Variants in PBX3 observed in about 807,000 individuals in gnomAD.
The protein encoded by PBX3 is PBX homeobox 3, also known as pre-B-cell leukemia transcription factor 3.
PBX3 carries 14 observed loss-of-function variants against 48.5 expected under a neutral mutation model. The observed-to-expected ratio is 0.29, with a 90% CI of 0.19 to 0.45. The LOEUF (loss-of-function observed/expected upper bound fraction) is 0.45, where lower values mean the gene tolerates loss of function less well. Among genes scored for constraint, PBX3 ranks in the 20% least tolerant of loss-of-function variants. The pLI is 1.00. For synonymous variants in PBX3, 210 were observed against 200.3 expected, an observed-to-expected ratio of 1.05 and a Z score of -0.41; for missense variants, 386 against 546.7, an observed-to-expected ratio of 0.71 and a Z score of 2.93.
chr9:125,932,266 G>A (rs754096179), intron 4 of PBX3, among the ~76,000 whole-genome samples: 1 of 152,124 alleles, frequency 6.6e-6, no homozygotes, highest in African/African-American at 2.4e-5. Context: ...CTAAATGCTC[G>A]CTTTTCAGAA....
At chr9:125,772,053 C>T (rs141797957) in intron 2 of PBX3, among the ~76,000 whole-genome samples, 33 of 152,146 alleles carry the variant, frequency 2.2e-4, no homozygotes, top group Non-Finnish European at 4.4e-4. Context: ...GAATATTAAC[C>T]TCTTAGTACA....
intron 2 of PBX3, among the ~76,000 whole-genome samples, chr9:125,888,811 G>T (rs962700493): frequency 7.9e-5 from 12 of 152,074 alleles, no homozygotes; most frequent in African/African-American, 2.9e-4. Flanking sequence ...GTCTGGACTG[G>T]AAAGTGTAAG....
intron 5 of PBX3, among the ~76,000 whole-genome samples, chr9:125,953,669 AAG>A (rs1479029156): frequency 6.6e-6 from 1 of 152,192 alleles, no homozygotes; most frequent in Non-Finnish European, 1.5e-5. Context: ...CTGAACTTAA[AAG>A]ATTCTATAGC....
intron 2 of PBX3, among the ~76,000 whole-genome samples, chr9:125,914,642 G>A (rs749393292): frequency 5.3e-5 from 8 of 152,196 alleles, no homozygotes; most frequent in Non-Finnish European, 1.0e-4. Context: ...AACAAGCAAG[G>A]TGCCAACTTC....
chr9:125,935,705 T>C, intron 5 of PBX3, 98 bp downstream of exon 5: 3 of 1,137,570 alleles, frequency 2.6e-6, no homozygotes, highest in African/African-American at 1.6e-5. Flanking sequence ...CCAAATGTTC[T>C]ATCATCAAAA....
At chr9:125,749,566 T>C (rs1836310099) in intron 2 of PBX3, 2 of 151,296 alleles carry the variant, frequency 1.3e-5, no homozygotes, top group African/African-American at 2.4e-5. Context: ...CTTTCTTTTT[T>C]TTTTTTTTTT....
intron 2 of PBX3, among the ~76,000 whole-genome samples, chr9:125,761,618 A>T (rs1836669750): frequency 6.6e-6 from 1 of 152,102 alleles, no homozygotes; most frequent in Non-Finnish European, 1.5e-5. Flanking sequence ...AATAATAATA[A>T]TTTTAAAAAG....
chr9:125,944,416 T>C (rs1478736088), intron 5 of PBX3, among the ~76,000 whole-genome samples: 1 of 152,224 alleles, frequency 6.6e-6, no homozygotes, highest in Non-Finnish European at 1.5e-5. Context: ...TCAGGCACTA[T>C]GCCTGGAACT....
At chr9:125,859,901 A>G (rs747212307) in intron 2 of PBX3, among the ~76,000 whole-genome samples, 2 of 152,186 alleles carry the variant, frequency 1.3e-5, no homozygotes, top group Non-Finnish European at 2.9e-5. Flanking sequence ...GGGTTGGCCT[A>G]TTGCCTCTCC....
chr9:125,948,720 G>A (rs1056627147), intron 5 of PBX3, among the ~76,000 whole-genome samples: 54 of 149,802 alleles, frequency 3.6e-4, no homozygotes, highest in Admixed American at 1.4e-3. Flanking sequence ...GTGTGTGTGT[G>A]TATATATATA....
At chr9:125,924,657 C>T (rs1049864955) in intron 3 of PBX3, among the ~76,000 whole-genome samples, 7 of 152,146 alleles carry the variant, frequency 4.6e-5, no homozygotes, top group Non-Finnish European at 1.0e-4. Context: ...CTGAATTATG[C>T]ATATCTTCCA....
At chr9:125,903,834 A>G (rs1336502565) in intron 2 of PBX3, among the ~76,000 whole-genome samples, 1 of 151,892 alleles carries the variant, frequency 6.6e-6, no homozygotes, top group Admixed American at 6.6e-5. Context: ...GAGGTGGTAA[A>G]GAGTTAGTTC....
intron 2 of PBX3, among the ~76,000 whole-genome samples, chr9:125,890,885 T>A (rs931195785): frequency 6.6e-6 from 1 of 152,212 alleles, no homozygotes; most frequent in African/African-American, 2.4e-5. Context: ...TGCTTTTCTT[T>A]AAAATAAAGG....
chr9:125,803,985 C>G (rs1838045257), intron 2 of PBX3, among the ~76,000 whole-genome samples: 1 of 152,156 alleles, frequency 6.6e-6, no homozygotes, highest in Non-Finnish European at 1.5e-5. Flanking sequence ...GAAGAGCAGG[C>G]TTTCTGACTT....
At chr9:125,805,262 CAG>C (rs1229174431) in intron 2 of PBX3, among the ~76,000 whole-genome samples, 1 of 151,370 alleles carries the variant, frequency 6.6e-6, no homozygotes, top group Non-Finnish European at 1.5e-5. Context: ...ACTTGAGGAA[CAG>C]AGTGGATGCC....
At chr9:125,864,480 A>G (rs1392031161) in intron 2 of PBX3, among the ~76,000 whole-genome samples, 2 of 152,228 alleles carry the variant, frequency 1.3e-5, no homozygotes, top group East Asian at 1.9e-4. Flanking sequence ...ATTGTAATAT[A>G]TAATGAAATA....
rs1442715673 is a variant in PBX3 at position 125,780,425 on chromosome 9, CCA to C, written c.274+31804_274+31805del. On this transcript the variant is annotated intron_variant, in intron 2 of 8. Coordinates refer to ENST00000373489, the MANE Select transcript of PBX3 (RefSeq NM_006195.6). ...GCCGGGCGGGGGGCTGACCCCCCCC[CCA>C]CCTCCCTCCCAGACGGGGCGGCTGG... 6.7e-4 allele frequency among the ~76,000 whole-genome samples: 65 copies of C among 97,446 alleles called. 1 individual carries two copies. The highest frequency in any genetic ancestry group is 8.4e-4 in the Non-Finnish European group (40 of 47,578). 63.9% of individuals were successfully genotyped at this position (97,446 alleles called of 152,430 possible).
chr9:125,871,104 A>G (rs1840111780), intron 2 of PBX3, among the ~76,000 whole-genome samples: 1 of 152,186 alleles, frequency 6.6e-6, no homozygotes, highest in Non-Finnish European at 1.5e-5. Flanking sequence ...ATGGCTAAAA[A>G]CTAGAAAAAA....
At chr9:125,921,566 C>T (rs1841458408) in intron 3 of PBX3, among the ~76,000 whole-genome samples, 1 of 151,872 alleles carries the variant, frequency 6.6e-6, no homozygotes, top group Non-Finnish European at 1.5e-5. Flanking sequence ...CTTATAAAAC[C>T]CTCATGAGAT....
Sources: gnomAD v4.1 joint callset for allele counts (sites outside exome capture counted in the v4.1 genomes callset) on GRCh38, gnomAD v4.1.1 for gene constraint, MANE v1.5 for transcripts, NCBI Gene and HGNC (gene_info 2026-07-23, HGNC 2026-07-21) for gene names.